NIPSNAP2: variants seen among roughly 807,000 people sequenced by gnomAD.
NIPSNAP2 encodes the protein protein NipSnap homolog 2.
Under a neutral mutation model 48.4 loss-of-function variants are expected in NIPSNAP2, and 42 were observed. The observed-to-expected ratio is 0.87, with a 90% confidence interval of 0.68 to 1.12. The LOEUF is 1.12. Ranked by LOEUF, NIPSNAP2 falls within the 50% of genes most tolerant of loss-of-function variation. The probability of loss-of-function intolerance (pLI) is 0.00; values close to 1 mark genes in which losing one functional copy is unlikely to be tolerated. For missense variants in NIPSNAP2, 314 were observed against 347.3 expected (o/e 0.90, Z 0.76); for synonymous variants, 158 against 126.6 (o/e 1.25, Z -1.67).
At chr7:55,970,022 G>A (rs1345438214) in intron 1 of NIPSNAP2, among the ~76,000 whole-genome samples, 3 of 150,858 alleles carry the variant, frequency 2.0e-5, no homozygotes, top group South Asian at 2.1e-4. Context: ...AATGAAGCAC[G>A]GTGTGCTCCT....
At chr7:55,984,131 A>G (rs1263588480) in intron 6 of NIPSNAP2, among the ~76,000 whole-genome samples, 1 of 152,184 alleles carries the variant, frequency 6.6e-6, no homozygotes, top group Non-Finnish European at 1.5e-5. Flanking sequence ...CCTAAAGTGC[A>G]GGATAAGGTA....
intron 7 of NIPSNAP2, among the ~76,000 whole-genome samples, chr7:55,986,927 G>A (rs1373368237): frequency 7.1e-6 from 1 of 141,680 alleles, no homozygotes; most frequent in Non-Finnish European, 1.5e-5. Context: ...CAGGAGGATC[G>A]CTTGATGCTA....
intron 1 of NIPSNAP2, among the ~76,000 whole-genome samples, chr7:55,965,861 G>A (rs918391887): frequency 6.6e-6 from 1 of 152,180 alleles, no homozygotes. Flanking sequence ...GATTACAGTC[G>A]TGAATCACCA....
intron 7 of NIPSNAP2, among the ~76,000 whole-genome samples, chr7:55,990,963 G>GT (rs1339771970): frequency 2.0e-5 from 3 of 151,660 alleles, no homozygotes; most frequent in Admixed American, 6.6e-5. Flanking sequence ...AATATGTTTT[G>GT]TATTTTTAGT....
intron 8 of NIPSNAP2, among the ~76,000 whole-genome samples, chr7:55,996,767 C>T (rs1405692087): frequency 6.6e-6 from 1 of 152,186 alleles, no homozygotes; most frequent in African/African-American, 2.4e-5. Context: ...GTGGCTCACG[C>T]CTCGATTCCC....
Position 55,985,745 on chromosome 7 carries a change from CAAAA to C in NIPSNAP2, c.617+884_617+887del, listed in dbSNP as rs11290048. On this transcript the variant is annotated intron_variant, in intron 7 of 9. Transcript: ENST00000322090. ...TGGGCAACAGAGTGAGACCCTGTCT[CAAAA>C]AAAAAAAAAAAAAAAAGTCCGGGCA... Among the ~76,000 whole-genome samples the C allele has an allele frequency of 1.3e-4, 12 of 89,654 alleles. No homozygotes were observed. The South Asian group carries it at 2.5e-3, about 19-fold the overall frequency. The allele number at this position is 89,654 out of a possible 152,430, so 58.8% of individuals were successfully genotyped here. A position where few individuals can be genotyped will look rare whatever the true frequency, so the allele number is the denominator to read the frequency against.
intron 1 of NIPSNAP2, among the ~76,000 whole-genome samples, chr7:55,968,649 T>C (rs1786948181): frequency 6.6e-6 from 1 of 152,122 alleles, no homozygotes; most frequent in South Asian, 2.1e-4. Context: ...CCTGCTTTGG[T>C]CTCCCAAAGT....
At chr7:55,986,889 G>A (rs568603965) in intron 7 of NIPSNAP2, among the ~76,000 whole-genome samples, 26 of 149,380 alleles carry the variant, frequency 1.7e-4, no homozygotes, top group African/African-American at 4.4e-4. Flanking sequence ...GCTCACACCC[G>A]TAATCCTAGC....
At position 55,996,101 on chromosome 7, in the gene NIPSNAP2, C is replaced by T. The variant is rs140591212; in HGVS notation, c.712+1113C>T. On this transcript the variant is annotated intron_variant, in intron 8 of 9. Coordinates refer to ENST00000322090, the MANE Select transcript of NIPSNAP2 (RefSeq NM_001483.3). ...TCAGGAGTTAAGAGACCAGCCTGAC[C>T]AACATGGTGAAACCTCATCTGTACT... Among the ~76,000 whole-genome samples, 5 of 152,206 alleles carry T rather than the reference C, an allele frequency of 3.3e-5. No individual in the cohort carries two copies. In the East Asian group the frequency reaches 9.7e-4, roughly 29 times the overall value.
At position 55,981,487 on chromosome 7, in the gene NIPSNAP2, C is replaced by A; in HGVS notation, c.293C>A (p.Pro98Gln). 6.2e-7 allele frequency: 1 copy of A among 1,613,462 alleles called. No individual in the cohort carries two copies. Residue 98 changes from proline (P) to glutamine (Q), a missense_variant, in exon 4 of 10, where the codon CCA becomes CAA. Pro to Gln is a moderately conservative substitution (Grantham distance 76, BLOSUM62 -1). Coordinates refer to ENST00000322090, the MANE Select transcript of NIPSNAP2 (RefSeq NM_001483.3). Reference protein sequence around the residue: ...AYNKICQEVLPKIHEDKHYPC... With the variant: ...AYNKICQEVLQKIHEDKHYPC... ...TTCTCTTTAAGTCAAGAGGTGTTGCCAAAGATTCACGAAGATAAACACTAC... is the reference window on the plus strand; with the variant it reads ...TTCTCTTTAAGTCAAGAGGTGTTGCAAAAGATTCACGAAGATAAACACTAC...
At chr7:55,969,711 C>T (rs533167629) in intron 1 of NIPSNAP2, among the ~76,000 whole-genome samples, 84 of 152,174 alleles carry the variant, frequency 5.5e-4, no homozygotes, top group East Asian at 7.8e-4. Flanking sequence ...TTGCCGGGCG[C>T]GGTGGCTCAC....
rs1051398625 is a variant in NIPSNAP2, at chr7:55,981,669, C to T, written c.373+102C>T. The T allele has an allele frequency of 1.9e-5, 13 of 682,714 alleles. No individual in the cohort carries two copies. The African/African-American group carries it at 2.2e-4, about 11-fold the overall frequency. The allele number at this position is 682,714 out of a possible 1,614,324, so 42.3% of individuals were successfully genotyped here. On this transcript the variant is annotated intron_variant, in intron 4 of 9. Transcript: ENST00000322090. ...GCTTGTTCTTATCATCAAAGCTTTCCAAGTCTCAGTCTAATTTTATGATTA... is the reference window on the plus strand; with the variant it reads ...GCTTGTTCTTATCATCAAAGCTTTCTAAGTCTCAGTCTAATTTTATGATTA...
chr7:55,968,508 C>G (rs1328864901), intron 1 of NIPSNAP2, among the ~76,000 whole-genome samples: 1 of 151,888 alleles, frequency 6.6e-6, no homozygotes, highest in Non-Finnish European at 1.5e-5. Context: ...GTCTCAGCCT[C>G]CCGATTAGCT....
At chr7:55,993,875 A>G (rs752675587) in intron 7 of NIPSNAP2, among the ~76,000 whole-genome samples, 4 of 152,082 alleles carry the variant, frequency 2.6e-5, no homozygotes, top group Non-Finnish European at 5.9e-5. Context: ...TATTTGGTAC[A>G]TAATGAATGC....
chr7:55,970,723 C>G (rs73138732), intron 1 of NIPSNAP2, among the ~76,000 whole-genome samples: 22,976 of 152,150 alleles, frequency 0.15, 1,879 homozygotes, highest in Non-Finnish European at 0.18. Context: ...TGCTAAACAG[C>G]TTGCCATTCC....
Position 55,997,406 on chromosome 7 carries a change from A to G in NIPSNAP2, c.753A>G (p.Ala251=), listed in dbSNP as rs1787584193. ...DLQTREDIRN[A]AWHKHGWEEL... ...AGACCAGGGAAGACATACGGAATGC[A>G]GCATGGCACAAACATGGCTGGGAGG... Residue 251 remains alanine, a synonymous_variant, in exon 9 of 10, where the codon GCA becomes GCG. Transcript: ENST00000322090. 1 of 1,613,862 alleles carries G rather than the reference A, an allele frequency of 6.2e-7. No homozygotes were observed. Among genetic ancestry groups the G allele is most frequent in the Non-Finnish European group, 8.5e-7 (1 of 1,179,878 alleles).
At chr7:55,968,512 A>T (rs535491686) in intron 1 of NIPSNAP2, among the ~76,000 whole-genome samples, 2 of 150,876 alleles carry the variant, frequency 1.3e-5, no homozygotes, top group East Asian at 4.0e-4. Context: ...CAGCCTCCCG[A>T]TTAGCTGGGA....
Position 55,964,644 on chromosome 7 carries a change from C to A in NIPSNAP2, c.35C>A (p.Ala12Asp), listed in dbSNP as rs764826985. Residue 12 changes from alanine to aspartate, a missense_variant, in exon 1 of 10, where the codon GCC becomes GAC. Physicochemically the swap from Ala to Asp is moderately radical, Grantham distance 126 (BLOSUM62 -2). Transcript: ENST00000322090. ...CGAGTGCTGCGCGCCCGCGGAGCGG[C>A]CTGGGCCGGCGGCCTCCTGCAGCGG... ...AARVLRARGAAWAGGLLQRAA... is the reference protein window; with the variant it reads ...AARVLRARGADWAGGLLQRAA... 1 of 1,088,166 alleles carries A rather than the reference C, an allele frequency of 9.2e-7. No individual in the cohort carries two copies. The highest frequency in any genetic ancestry group is 1.1e-6 in the Non-Finnish European group (1 of 897,174). 67.4% of individuals were successfully genotyped at this position (1,088,166 alleles called of 1,614,324 possible).
intron 5 of NIPSNAP2, among the ~76,000 whole-genome samples, chr7:55,983,118 G>C (rs1787255358): frequency 6.6e-6 from 1 of 151,952 alleles, no homozygotes; most frequent in African/African-American, 2.4e-5. Flanking sequence ...GTGAGACTCT[G>C]CCTCAAAAAA....
Sources: allele counts gnomAD v4.1 joint callset (sites outside exome capture counted in the v4.1 genomes callset), GRCh38; gene constraint gnomAD v4.1.1; transcripts MANE v1.5; gene names NCBI Gene and HGNC (gene_info 2026-07-23, HGNC 2026-07-21).